Variants in FAM53B observed in about 807,000 individuals in gnomAD.
The protein encoded by FAM53B is family with sequence similarity 53 member B.
A neutral mutation model predicts 32.7 loss-of-function variants in FAM53B; 12 were observed. That is an observed-to-expected ratio of 0.37 (90% CI 0.24 to 0.59). The LOEUF (loss-of-function observed/expected upper bound fraction) is 0.59. Ranked by LOEUF, FAM53B falls within the 20% of genes least tolerant of loss-of-function variation. The probability of loss-of-function intolerance (pLI) is 0.72; values close to 1 mark genes in which losing one functional copy is unlikely to be tolerated. For synonymous variants in FAM53B, 234 were observed against 228.7 expected, an observed-to-expected ratio of 1.02 and a Z score of -0.21; for missense variants, 477 against 577.7, an observed-to-expected ratio of 0.83 and a Z score of 1.79.
At chr10:124,633,038 G>A (rs996586280) in intron 4 of FAM53B, among the ~76,000 whole-genome samples, 2 of 152,106 alleles carry the variant, frequency 1.3e-5, no homozygotes, top group Non-Finnish European at 2.9e-5. Context: ...CACCAAGGGT[G>A]CGATCCCCCC....
intron 1 of FAM53B, among the ~76,000 whole-genome samples, chr10:124,739,605 C>G (rs7476729): frequency 0.75 from 113,406 of 152,098 alleles, 42,466 homozygotes; most frequent in South Asian, 0.85. Flanking sequence ...CCTCCTGAGA[C>G]TGGCACCGTG....
chr10:124,669,983 C>A (rs1226921712), intron 4 of FAM53B, among the ~76,000 whole-genome samples: 3 of 152,132 alleles, frequency 2.0e-5, no homozygotes, highest in Non-Finnish European at 2.9e-5. Flanking sequence ...GTGAGGACCA[C>A]ACACCCGAGG....
intron 4 of FAM53B, among the ~76,000 whole-genome samples, chr10:124,679,608 T>C (rs1339677890): frequency 6.6e-6 from 1 of 152,236 alleles, no homozygotes; most frequent in Non-Finnish European, 1.5e-5. Context: ...GCCTCAGGGC[T>C]CTGGCCATAG....
Position 124,706,823 on chromosome 10 carries a change from T to A in FAM53B, c.-110A>T. ...GGGAATTGATGTCAGCAGAAACAGC[T>A]CCCCATTGGCCACTCACCCTTGGGG... On this transcript the variant is annotated 5_prime_UTR_variant, in exon 2 of 5. Coordinates refer to ENST00000337318, the MANE Select transcript of FAM53B (RefSeq NM_014661.4). 1 of 1,567,166 alleles carries A rather than the reference T, an allele frequency of 6.4e-7. No individual in the cohort carries two copies. The highest frequency in any genetic ancestry group is 8.7e-7 in the Non-Finnish European group (1 of 1,155,728).
intron 4 of FAM53B, among the ~76,000 whole-genome samples, chr10:124,676,762 C>T (rs1315883494): frequency 6.6e-6 from 1 of 152,186 alleles, no homozygotes; most frequent in Non-Finnish European, 1.5e-5. Flanking sequence ...CTCCTGGACT[C>T]ACCCCCAGGA....
chr10:124,665,182 T>C (rs1949661371), intron 4 of FAM53B, among the ~76,000 whole-genome samples: 1 of 152,198 alleles, frequency 6.6e-6, no homozygotes, highest in African/African-American at 2.4e-5. Flanking sequence ...CACAGCCCCC[T>C]TTCTCCACTG....
In FAM53B at chr10:124,681,841, G is replaced by A; in HGVS notation, c.672C>T (p.Asp224=). 6.2e-7 allele frequency: 1 copy of A among 1,612,242 alleles called. No individual in the cohort carries two copies. Among genetic ancestry groups the A allele is most frequent in the Non-Finnish European group, 8.5e-7 (1 of 1,179,156 alleles). ...DLHPVGGGRL[D]LQRSLSCSHE... ...GTGAGCAAGAGAGGGACCGCTGCAG[G>A]TCCAGCCGGCCTCCTCCCACGGGGT... The change falls in exon 4 of 5, where the codon GAC becomes GAT. Residue 224 remains aspartate (D), a synonymous_variant. Transcript: ENST00000337318.
At chr10:124,632,416 G>A (rs1043295262) in intron 4 of FAM53B, among the ~76,000 whole-genome samples, 5 of 152,256 alleles carry the variant, frequency 3.3e-5, no homozygotes, top group Non-Finnish European at 7.3e-5. Flanking sequence ...AGCACACAGG[G>A]TTCTGGCGGG....
chr10:124,646,387 T>G (rs533521687), intron 4 of FAM53B, among the ~76,000 whole-genome samples: 1 of 152,230 alleles, frequency 6.6e-6, no homozygotes, highest in Non-Finnish European at 1.5e-5. Flanking sequence ...CTCTAATGCC[T>G]GACAGGAGAG....
At chr10:124,683,494 C>A (rs561493620) in intron 3 of FAM53B, among the ~76,000 whole-genome samples, 28 of 152,276 alleles carry the variant, frequency 1.8e-4, no homozygotes, top group African/African-American at 6.7e-4. Flanking sequence ...TTTAAATGCA[C>A]GCCGGGTCTC....
intron 4 of FAM53B, among the ~76,000 whole-genome samples, chr10:124,645,617 G>A (rs1461511412): frequency 6.6e-6 from 1 of 152,232 alleles, no homozygotes; most frequent in Admixed American, 6.5e-5. Context: ...TTGGCAGTGG[G>A]TCTCAGGCGC....
intron 4 of FAM53B, among the ~76,000 whole-genome samples, chr10:124,671,919 C>T (rs1477249805): frequency 2.0e-5 from 3 of 152,190 alleles, no homozygotes; most frequent in Non-Finnish European, 2.9e-5. Context: ...ACCAAGTTCC[C>T]GCCAGCATGG....
At chr10:124,683,430 T>C (rs1015757308) in intron 3 of FAM53B, among the ~76,000 whole-genome samples, 1 of 152,186 alleles carries the variant, frequency 6.6e-6, no homozygotes, top group African/African-American at 2.4e-5. Flanking sequence ...GTGAATGGCT[T>C]GAGTCAGTCA....
chr10:124,697,675 G>A (rs1272148017), intron 2 of FAM53B, among the ~76,000 whole-genome samples: 1 of 152,164 alleles, frequency 6.6e-6, no homozygotes, highest in Non-Finnish European at 1.5e-5. Context: ...GTGCTGGGAT[G>A]AGGGTGGAGG....
intron 1 of FAM53B, among the ~76,000 whole-genome samples, chr10:124,721,741 C>A: frequency 6.6e-6 from 1 of 152,332 alleles, no homozygotes; most frequent in African/African-American, 2.4e-5. Context: ...TGTCCTCGTG[C>A]GGTTCTATCC....
At chr10:124,647,342 C>G (rs1949523539) in intron 4 of FAM53B, among the ~76,000 whole-genome samples, 1 of 152,150 alleles carries the variant, frequency 6.6e-6, no homozygotes, top group South Asian at 2.1e-4. Flanking sequence ...GGCTCCAGGC[C>G]TCGGGTGTTT....
chr10:124,697,341 C>T (rs569654775), intron 2 of FAM53B, among the ~76,000 whole-genome samples: 2 of 152,250 alleles, frequency 1.3e-5, no homozygotes, highest in East Asian at 3.9e-4. Context: ...CACAAACAGA[C>T]AAGACTTCCA....
In FAM53B at chr10:124,733,954, T is replaced by A. The variant is rs1252730197; in HGVS notation, c.-175+10059A>T. Among the ~76,000 whole-genome samples the A allele has an allele frequency of 1.3e-5, 2 of 152,228 alleles. No homozygotes were observed. Among genetic ancestry groups the A allele is most frequent in the African/African-American group, 4.8e-5 (2 of 41,456 alleles). On this transcript the variant is annotated intron_variant, in intron 1 of 4. Coordinates refer to ENST00000337318, the MANE Select transcript of FAM53B (RefSeq NM_014661.4). The surrounding 1 kb of genome is among the most constrained non-coding windows in gnomAD (Gnocchi z 4.3). ...TGACACAGTCCCATGGTGCTGTGAC[T>A]GGGGACACCTGCTCTCCTGGTCTCG...
At chr10:124,722,721 C>A (rs1017891341) in intron 1 of FAM53B, among the ~76,000 whole-genome samples, 3 of 152,158 alleles carry the variant, frequency 2.0e-5, no homozygotes, top group Non-Finnish European at 4.4e-5. Context: ...GTGTATATAT[C>A]TGCATATTCT....
Sources: gnomAD v4.1 joint callset for allele counts (sites outside exome capture counted in the v4.1 genomes callset) on GRCh38, gnomAD v4.1.1 for gene constraint, Gnocchi (gnomAD v3.1) non-coding constraint, MANE v1.5 for transcripts, NCBI Gene and HGNC (gene_info 2026-07-23, HGNC 2026-07-21) for gene names.